Variants in FAM240B observed in about 807,000 individuals in gnomAD.
FAM240B encodes the protein protein FAM240B.
chr9:38,712,501 T>C (rs1821266804), intron 1 of FAM240B, among the ~76,000 whole-genome samples: 1 of 152,180 alleles, frequency 6.6e-6, no homozygotes, highest in Non-Finnish European at 1.5e-5. Context: ...ATCCTCAGCA[T>C]ATTATGCTAG....
intron 1 of FAM240B, among the ~76,000 whole-genome samples, chr9:38,704,656 C>CTT (rs1412761449): frequency 7.2e-5 from 11 of 152,338 alleles, no homozygotes; most frequent in African/African-American, 2.2e-4. Flanking sequence ...TCATGCATGA[C>CTT]AAATGGCCAA....
chr9:38,707,439 G>A (rs1164203319), intron 1 of FAM240B, among the ~76,000 whole-genome samples: 1 of 151,984 alleles, frequency 6.6e-6, no homozygotes, highest in African/African-American at 2.4e-5. Context: ...GCTGAAAGCA[G>A]GGTGTTGTCT....
chr9:38,705,211 G>A (rs10511952), intron 1 of FAM240B: 8,385 of 152,328 alleles, frequency 0.055, 321 homozygotes, highest in Non-Finnish European at 0.086. Context: ...TTACTTCACA[G>A]CTACAAAGTC....
At chr9:38,700,701 T>C (rs919457482) in intron 2 of FAM240B, among the ~76,000 whole-genome samples, 5 of 152,218 alleles carry the variant, frequency 3.3e-5, no homozygotes, top group Admixed American at 6.5e-5. Context: ...TTGCAAACAC[T>C]TTCTAACTTC....
intron 2 of FAM240B, among the ~76,000 whole-genome samples, chr9:38,701,001 T>G (rs1029695790): frequency 6.6e-6 from 1 of 152,214 alleles, no homozygotes; most frequent in African/African-American, 2.4e-5. Context: ...CATTACTGGA[T>G]TTGTTCTCCT....
intron 2 of FAM240B, among the ~76,000 whole-genome samples, chr9:38,702,132 G>C (rs543021776): frequency 6.6e-6 from 1 of 152,170 alleles, no homozygotes; most frequent in African/African-American, 2.4e-5. Context: ...GGCCAGGACT[G>C]GGGGACGGAA....
At chr9:38,697,707 T>G (rs1168614485) in intron 2 of FAM240B, among the ~76,000 whole-genome samples, 1 of 152,254 alleles carries the variant, frequency 6.6e-6, no homozygotes, top group African/African-American at 2.4e-5. Flanking sequence ...CATTTTACAA[T>G]GTATGCTCTT....
At chr9:38,707,576 G>C (rs1564000604) in intron 1 of FAM240B, among the ~76,000 whole-genome samples, 1 of 150,880 alleles carries the variant, frequency 6.6e-6, no homozygotes, top group Non-Finnish European at 1.5e-5. Context: ...TGACCATCCT[G>C]GCTTACACGA....
chr9:38,707,160 G>A (rs915411281), intron 1 of FAM240B, among the ~76,000 whole-genome samples: 4 of 152,016 alleles, frequency 2.6e-5, no homozygotes, highest in Non-Finnish European at 4.4e-5. Context: ...AGTTCATATT[G>A]GGTACCCGGT....
At chr9:38,711,955 CT>C (rs1310537987) in intron 1 of FAM240B, among the ~76,000 whole-genome samples, 1 of 152,124 alleles carries the variant, frequency 6.6e-6, no homozygotes, top group Non-Finnish European at 1.5e-5. Context: ...TTAACTTCCC[CT>C]CCAAAATTCC....
At chr9:38,699,392 G>A (rs1821098908) in intron 2 of FAM240B, among the ~76,000 whole-genome samples, 1 of 152,182 alleles carries the variant, frequency 6.6e-6, no homozygotes, top group Non-Finnish European at 1.5e-5. Context: ...GGAAACACCT[G>A]CGAAAAGTAA....
intron 2 of FAM240B, among the ~76,000 whole-genome samples, chr9:38,702,296 T>G (rs1587589841): frequency 6.6e-6 from 1 of 152,354 alleles, no homozygotes; most frequent in East Asian, 1.9e-4. Context: ...AGCTCTTCTC[T>G]GCTTATGGAA....
In FAM240B at chr9:38,703,893, A is replaced by T. The variant is rs1380240306; in HGVS notation, c.107T>A (p.Leu36Gln). 1 of 400,352 alleles carries T rather than the reference A, an allele frequency of 2.5e-6. No homozygotes were observed. Among genetic ancestry groups the T allele is most frequent in the Non-Finnish European group, 4.4e-6 (1 of 226,094 alleles). The allele number at this position is 400,352 out of a possible 1,614,324, so 24.8% of individuals were successfully genotyped here. Reference protein sequence around the residue: ...EISKQTFYRELEEDRQERSAL... With the variant: ...EISKQTFYREQEEDRQERSAL... The stretch of plus-strand genomic sequence containing the variant: ...GCTTCTTTCTTGACGATCTTCCTCC[A>T]GTTCTCGGTAAAAAGTCTGTTTGCT... Residue 36 changes from leucine to glutamine, a missense_variant, in exon 2 of 3, where the codon CTG becomes CAG. Leu to Gln is a moderately radical substitution (Grantham distance 113). Coordinates refer to ENST00000637493, the MANE Select transcript of FAM240B (RefSeq NM_001394922.1).
chr9:38,712,731 G>C (rs978120602), intron 1 of FAM240B, among the ~76,000 whole-genome samples: 3 of 152,148 alleles, frequency 2.0e-5, no homozygotes, highest in Non-Finnish European at 2.9e-5. Flanking sequence ...CTCACTTAAT[G>C]ATATTAAGAG....
chr9:38,714,510 G>T (rs10814745), intron 1 of FAM240B, among the ~76,000 whole-genome samples: 14,633 of 152,212 alleles, frequency 0.096, 718 homozygotes, highest in Middle Eastern at 0.12. Context: ...CTTGGTGACC[G>T]AGGGGAAAGT....
intron 1 of FAM240B, among the ~76,000 whole-genome samples, chr9:38,717,949 C>T (rs1248643528): frequency 6.6e-6 from 1 of 152,170 alleles, no homozygotes; most frequent in African/African-American, 2.4e-5. Flanking sequence ...CAACACTTCC[C>T]AAAGACACCC....
intron 2 of FAM240B, among the ~76,000 whole-genome samples, chr9:38,695,958 C>A (rs1022714577): frequency 3.3e-5 from 5 of 152,188 alleles, no homozygotes; most frequent in African/African-American, 1.2e-4. Context: ...GGCTTTTTAA[C>A]AAATGGTGCT....
chr9:38,712,332 T>G (rs1030578433), intron 1 of FAM240B, among the ~76,000 whole-genome samples: 3 of 152,206 alleles, frequency 2.0e-5, no homozygotes, highest in Admixed American at 6.5e-5. Context: ...CTTTCTTTTA[T>G]CACATGAAAA....
chr9:38,713,443 A>C (rs1165129965), intron 1 of FAM240B, among the ~76,000 whole-genome samples: 2 of 131,400 alleles, frequency 1.5e-5, no homozygotes, highest in Non-Finnish European at 3.1e-5. Flanking sequence ...ACGCCACTGC[A>C]CTCCAGCCTG....
Sources: allele counts gnomAD v4.1 joint callset (sites outside exome capture counted in the v4.1 genomes callset), GRCh38; gene constraint gnomAD v4.1.1; transcripts MANE v1.5; gene names NCBI Gene and HGNC (gene_info 2026-07-23, HGNC 2026-07-21).